Variants in MGMT observed in about 807,000 individuals in gnomAD.
The protein encoded by MGMT is O-6-methylguanine-DNA methyltransferase.
In MGMT, 14 loss-of-function variants were observed where a neutral mutation model predicts 15.9. The ratio of observed to expected loss-of-function variants is 0.88; its 90% CI spans 0.58 to 1.37. The LOEUF is 1.37. Ranked by LOEUF, MGMT falls within the 40% of genes most tolerant of loss-of-function variation. The pLI is 0.00. For synonymous variants in MGMT, 130 were observed against 118.2 expected (o/e 1.10, Z -0.65); for missense variants, 282 against 268.1 (o/e 1.05, Z -0.36).
rs185978028 is a variant in MGMT, at chr10:129,699,049, C to G, written c.126-8846C>G. On this transcript the variant is annotated intron_variant, in intron 2 of 4. Coordinates refer to ENST00000651593, the MANE Select transcript of MGMT (RefSeq NM_002412.5). The stretch of plus-strand genomic sequence containing the variant: ...GTAATTGTTTTGGAATCTTTAGGGA[C>G]CTGATCATTCATCTATAGTTTTGGG... Among the ~76,000 whole-genome samples, 683 of 152,240 alleles carry G rather than the reference C, an allele frequency of 4.5e-3. 4 individuals carry two copies. The highest frequency in any genetic ancestry group is 9.8e-3 in the Admixed American group (149 of 15,282).
In MGMT at chr10:129,637,335, C is replaced by T. The variant is rs147867450; in HGVS notation, c.126-70560C>T. 1.1e-3 allele frequency among the ~76,000 whole-genome samples: 174 copies of T among 152,304 alleles called. 1 individual carries two copies. Among genetic ancestry groups the T allele is most frequent in the African/African-American group, 3.8e-3 (157 of 41,574 alleles). Reference sequence around the variant, plus strand: ...TCCTCAAAGCCAAGGCCCTCTTGTGCGATGGGGCTCTTCTCCTTCTTAGAA... The same window carrying T: ...TCCTCAAAGCCAAGGCCCTCTTGTGTGATGGGGCTCTTCTCCTTCTTAGAA... On this transcript the variant is annotated intron_variant, in intron 2 of 4. Transcript: ENST00000651593.
At chr10:129,704,545 C>T (rs1370307399) in intron 2 of MGMT, among the ~76,000 whole-genome samples, 5 of 152,090 alleles carry the variant, frequency 3.3e-5, no homozygotes, top group African/African-American at 4.8e-5. Flanking sequence ...GCAGTGTCCA[C>T]GGGGTCAGCG....
chr10:129,577,628 A>G (rs370385034), intron 2 of MGMT, among the ~76,000 whole-genome samples: 2 of 152,240 alleles, frequency 1.3e-5, no homozygotes, highest in South Asian at 2.1e-4. Context: ...AGGCATGGGC[A>G]AGGACTTCAT....
At chr10:129,591,152 G>A (rs1184842662) in intron 2 of MGMT, among the ~76,000 whole-genome samples, 1 of 152,202 alleles carries the variant, frequency 6.6e-6, no homozygotes, top group Non-Finnish European at 1.5e-5. Flanking sequence ...GCCCCCAGGA[G>A]AAGGCGAGAC....
At position 129,556,591 on chromosome 10, in the gene MGMT, G is replaced by A. The variant is rs11594558; in HGVS notation, c.125+20214G>A. Among the ~76,000 whole-genome samples, 3,351 of 152,258 alleles carry A rather than the reference G, an allele frequency of 0.022. 68 individuals are homozygous for A. Among genetic ancestry groups the A allele is most frequent in the Middle Eastern group, 0.065 (19 of 294 alleles). On this transcript the variant is annotated intron_variant, in intron 2 of 4. Transcript: ENST00000651593. The surrounding 1 kb of genome is among the most constrained non-coding windows in gnomAD (Gnocchi z 4.3). ...TGATGCTGTGCAGTTCAGCTTTACC[G>A]TCTTGCTGCAGCGGGAACGTCCTGC...
At chr10:129,723,502 G>A (rs980635303) in intron 3 of MGMT, among the ~76,000 whole-genome samples, 1 of 152,000 alleles carries the variant, frequency 6.6e-6, no homozygotes, top group Non-Finnish European at 1.5e-5. Flanking sequence ...ATTTGGGTAG[G>A]CACACATTTC....
intron 2 of MGMT, among the ~76,000 whole-genome samples, chr10:129,669,333 A>C (rs1363883606): frequency 6.6e-6 from 1 of 151,842 alleles, no homozygotes; most frequent in African/African-American, 2.4e-5. Context: ...GCCCACCTCT[A>C]ATTTCCTTTT....
intron 2 of MGMT, among the ~76,000 whole-genome samples, chr10:129,572,255 T>C (rs1048542616): frequency 3.9e-5 from 6 of 152,234 alleles, no homozygotes; most frequent in African/African-American, 1.2e-4. Context: ...ATATACAATC[T>C]TGGTGAAACT....
intron 2 of MGMT, among the ~76,000 whole-genome samples, chr10:129,630,040 G>A (rs1589903234): frequency 6.6e-6 from 1 of 152,266 alleles, no homozygotes; most frequent in African/African-American, 2.4e-5. Context: ...TCAGGTGGAA[G>A]CGGTGAGAGG....
chr10:129,544,630 T>C (rs1846080122), intron 2 of MGMT, among the ~76,000 whole-genome samples: 1 of 152,216 alleles, frequency 6.6e-6, no homozygotes, highest in Admixed American at 6.5e-5. Flanking sequence ...CCCCTCCTGC[T>C]GATCAGCCTC....
At chr10:129,592,619 T>C (rs968140722) in intron 2 of MGMT, among the ~76,000 whole-genome samples, 11 of 152,146 alleles carry the variant, frequency 7.2e-5, no homozygotes, top group African/African-American at 2.7e-4. Flanking sequence ...GAGAGTTCTG[T>C]TCAGGTATCA....
At chr10:129,524,582 CTTTTTT>C (rs66701664) in intron 1 of MGMT, among the ~76,000 whole-genome samples, 55 of 68,074 alleles carry the variant, frequency 8.1e-4, no homozygotes, top group African/African-American at 2.3e-3. Context: ...TCCAAAAAGA[CTTTTTT>C]TTTTTTTTTT....
At position 129,470,813 on chromosome 10, in the gene MGMT, G is replaced by A. The variant is rs148166901; in HGVS notation, c.-13+3517G>A. Among the ~76,000 whole-genome samples, 189 of 152,292 alleles carry A rather than the reference G, an allele frequency of 1.2e-3. 1 individual carries two copies. Among genetic ancestry groups the A allele is most frequent in the African/African-American group, 3.7e-3 (155 of 41,562 alleles). On this transcript the variant is annotated intron_variant, in intron 1 of 4. Transcript: ENST00000651593. ...GAGCAGGGTTCTCCAAGGAGGCCTC[G>A]TGTCCCCTTCACCCCACCTGGAGGT...
At chr10:129,578,584 A>G (rs1846515629) in intron 2 of MGMT, among the ~76,000 whole-genome samples, 1 of 152,190 alleles carries the variant, frequency 6.6e-6, no homozygotes. Flanking sequence ...CTAATGCTAA[A>G]TGACAAGTTA....
chr10:129,738,484 C>G (rs1848592709), intron 3 of MGMT, among the ~76,000 whole-genome samples: 1 of 152,252 alleles, frequency 6.6e-6, no homozygotes, highest in African/African-American at 2.4e-5. Flanking sequence ...AATCCGGTAC[C>G]TCAGATGGAA....
At chr10:129,688,215 T>A (rs911065256) in intron 2 of MGMT, among the ~76,000 whole-genome samples, 3 of 151,912 alleles carry the variant, frequency 2.0e-5, no homozygotes, top group Non-Finnish European at 2.9e-5. Flanking sequence ...CAGTAATGGG[T>A]TGGCTGGGCC....
chr10:129,751,321 G>A (rs1848748322), intron 3 of MGMT, among the ~76,000 whole-genome samples: 1 of 151,902 alleles, frequency 6.6e-6, no homozygotes, highest in Non-Finnish European at 1.5e-5. Flanking sequence ...ACAGTTATTT[G>A]TAGGAATACC....
rs1848976303 is a variant in MGMT at position 129,769,405 on chromosome 10, T to A, written c.*2408T>A. ...GGGAAGGCACAAAGAAATACAAAACTATTTTCCAAATAAAAAGAAATGTCG... is the reference window on the plus strand; with the variant it reads ...GGGAAGGCACAAAGAAATACAAAACAATTTTCCAAATAAAAAGAAATGTCG... On this transcript the variant is annotated 3_prime_UTR_variant, in exon 5 of 5. Coordinates refer to ENST00000651593, the MANE Select transcript of MGMT (RefSeq NM_002412.5). 6.6e-6 allele frequency: 1 copy of A among 152,180 alleles called. No individual in the cohort carries two copies. The highest frequency in any genetic ancestry group is 2.1e-4 in the South Asian group (1 of 4,820). The allele number at this position is 152,180 out of a possible 1,614,324, so 9.4% of individuals were successfully genotyped here.
chr10:129,754,324 T>C (rs562282220), intron 3 of MGMT, among the ~76,000 whole-genome samples: 1 of 152,278 alleles, frequency 6.6e-6, no homozygotes, highest in Admixed American at 6.5e-5. Context: ...TTCCTATTAC[T>C]AAACCTCAAT....
Sources: gnomAD v4.1 joint callset for allele counts (sites outside exome capture counted in the v4.1 genomes callset) on GRCh38, gnomAD v4.1.1 for gene constraint, Gnocchi (gnomAD v3.1) non-coding constraint, MANE v1.5 for transcripts, NCBI Gene and HGNC (gene_info 2026-07-23, HGNC 2026-07-21) for gene names.